The following EPB41L1 variants were observed in gnomAD, a reference collection of about 807,000 sequenced individuals.
EPB41L1 encodes band 4.1-like protein 1.
A neutral mutation model predicts 97.8 loss-of-function variants in EPB41L1; 29 were observed. The observed-to-expected ratio is 0.30, with a 90% CI of 0.22 to 0.40. The LOEUF is 0.40. EPB41L1 is among the 10% of genes least tolerant of loss of function. The probability of loss-of-function intolerance (pLI) is 1.00; values close to 1 mark genes in which losing one functional copy is unlikely to be tolerated. For missense variants in EPB41L1, 812 were observed against 1,162.3 expected (o/e 0.70, Z 4.38); for synonymous variants, 383 against 459.2 (o/e 0.83, Z 2.12).
chr20:36,229,404 CT>C lies in EPB41L1; in HGVS notation c.*66del. On this transcript the variant is annotated 3_prime_UTR_variant, in exon 22 of 22. Transcript: ENST00000338074. ...AGCCAGAGAACCATTAAGAAGGGGC[CT>C]TCATTCTGGATTCTCCGACGCAACA... The C allele has an allele frequency of 6.4e-7, 1 of 1,563,206 alleles. No homozygotes were observed. The highest frequency in any genetic ancestry group is 8.8e-7 in the Non-Finnish European group (1 of 1,134,212).
intron 14 of EPB41L1, chr20:36,200,792 T>A: frequency 4.6e-6 from 2 of 431,600 alleles, no homozygotes; most frequent in South Asian, 3.3e-5. Flanking sequence ...CTACTTTTTC[T>A]CTTTCCCTCT....
At chr20:36,132,129 G>A (rs1380624158) in intron 2 of EPB41L1, among the ~76,000 whole-genome samples, 3 of 152,186 alleles carry the variant, frequency 2.0e-5, no homozygotes, top group African/African-American at 7.2e-5. Flanking sequence ...CTAGGTGACT[G>A]TGTCAGTTTC....
chr20:36,156,491 C>G (rs141429901), intron 1 of EPB41L1, among the ~76,000 whole-genome samples: 37 of 152,308 alleles, frequency 2.4e-4, no homozygotes, highest in African/African-American at 7.9e-4. Flanking sequence ...TGGCCAAGGT[C>G]ACAAAGCAGC....
intron 6 of EPB41L1, 38 bp downstream of exon 6, chr20:36,182,385 T>C: frequency 1.2e-6 from 2 of 1,607,662 alleles, no homozygotes; most frequent in Non-Finnish European, 1.7e-6. Flanking sequence ...GTGCTGGCTG[T>C]GTGGGACTAT....
chr20:36,123,723 C>T (rs542578417), intron 2 of EPB41L1, among the ~76,000 whole-genome samples: 5 of 152,226 alleles, frequency 3.3e-5, no homozygotes, highest in East Asian at 3.9e-4. Context: ...TGAGCCACTG[C>T]GCTTGGGCAG....
chr20:36,132,361 C>T (rs1399902886), intron 2 of EPB41L1, among the ~76,000 whole-genome samples: 1 of 152,056 alleles, frequency 6.6e-6, no homozygotes, highest in Admixed American at 6.6e-5. Flanking sequence ...CCCACCTCTG[C>T]CTCCGTCATC....
At position 36,206,756 on chromosome 20, in the gene EPB41L1, G is replaced by A; in HGVS notation, c.1669-2732G>A. On this transcript the variant is annotated intron_variant, in intron 14 of 21. Coordinates refer to ENST00000338074, the MANE Select transcript of EPB41L1 (RefSeq NM_012156.2). The surrounding 1 kb of genome is among the most constrained non-coding windows in gnomAD (Gnocchi z 5.5). ...GCTGAAGGCTGGGAAGATGCCCAGTGGGGAGTGGAAGGAGAGTTTCCCCAC... is the reference window on the plus strand; with the variant it reads ...GCTGAAGGCTGGGAAGATGCCCAGTAGGGAGTGGAAGGAGAGTTTCCCCAC... 7.8e-7 allele frequency: 1 copy of A among 1,289,868 alleles called. No homozygotes were observed. The highest frequency in any genetic ancestry group is 1.2e-5 in the South Asian group (1 of 81,030). The allele number at this position is 1,289,868 out of a possible 1,614,324, so 79.9% of individuals were successfully genotyped here.
chr20:36,111,889 T>A (rs2058416967), intron 1 of EPB41L1, among the ~76,000 whole-genome samples: 1 of 151,930 alleles, frequency 6.6e-6, no homozygotes, highest in Non-Finnish European at 1.5e-5. Flanking sequence ...AAAGGCCAAG[T>A]GGACAGCAGG....
At chr20:36,165,035 G>A (rs945057090) in intron 1 of EPB41L1, among the ~76,000 whole-genome samples, 4 of 151,654 alleles carry the variant, frequency 2.6e-5, no homozygotes, top group African/African-American at 9.7e-5. Flanking sequence ...AGGCTGGAGT[G>A]CAGTGGTGCG....
In EPB41L1 at chr20:36,190,891, G is replaced by T. The variant is rs897924387; in HGVS notation, c.1300+94G>T. 5 of 1,510,262 alleles carry T rather than the reference G, an allele frequency of 3.3e-6. No homozygotes were observed. In the African/African-American group the frequency reaches 6.9e-5, roughly 21 times the overall value. The allele number at this position is 1,510,262 out of a possible 1,614,324, so 93.6% of individuals were successfully genotyped here. ...GGTTCTGCAGAATGAGCAGGAAAATGGTAGATGCATCCCAAGTTCATCTGC... is the reference window on the plus strand; with the variant it reads ...GGTTCTGCAGAATGAGCAGGAAAATTGTAGATGCATCCCAAGTTCATCTGC... On this transcript the variant is annotated intron_variant, in intron 11 of 21. Coordinates refer to ENST00000338074, the MANE Select transcript of EPB41L1 (RefSeq NM_012156.2). The surrounding 1 kb of genome is among the most constrained non-coding windows in gnomAD (Gnocchi z 5.8).
chr20:36,121,419 C>T (rs888390681), intron 2 of EPB41L1, among the ~76,000 whole-genome samples: 2 of 152,086 alleles, frequency 1.3e-5, no homozygotes, highest in Non-Finnish European at 2.9e-5. Context: ...GTGCTGGGAG[C>T]CCATGTGCTG....
rs919735222 is a variant in EPB41L1 at position 36,207,101 on chromosome 20, G to A, written c.1669-2387G>A. On this transcript the variant is annotated intron_variant, in intron 14 of 21. Transcript: ENST00000338074. The surrounding 1 kb of genome is among the most constrained non-coding windows in gnomAD (Gnocchi z 4.9). ...ATCATTCCCCTGCCAGCCTCCCCTG[G>A]TCATTCTGAGGACCTGGCAGCTCTG... 1.2e-5 allele frequency: 16 copies of A among 1,289,318 alleles called. No homozygotes were observed. Among genetic ancestry groups the A allele is most frequent in the Non-Finnish European group, 1.3e-5 (13 of 988,574 alleles). 79.9% of individuals were successfully genotyped at this position (1,289,318 alleles called of 1,614,324 possible).
chr20:36,101,917 A>T (rs1006617330), intron 1 of EPB41L1, among the ~76,000 whole-genome samples: 4 of 152,018 alleles, frequency 2.6e-5, no homozygotes, highest in Non-Finnish European at 4.4e-5. Flanking sequence ...AGGCAGGAGA[A>T]TCGCTTGAAC....
intron 1 of EPB41L1, among the ~76,000 whole-genome samples, chr20:36,172,616 T>G (rs117298904): frequency 0.026 from 4,028 of 152,280 alleles, 76 homozygotes; most frequent in Non-Finnish European, 0.039. Context: ...TCTTTTTCTT[T>G]TGGAGAAGGA....
chr20:36,209,688 G>A lies in EPB41L1; in HGVS notation c.1869G>A (p.Thr623=), dbSNP rs73905303. The A allele has an allele frequency of 3.0e-3, 4,894 of 1,614,102 alleles. 136 individuals are homozygous for A. In the African/African-American group the frequency reaches 0.057, roughly 19 times the overall value. The change falls in exon 15 of 22, where the codon ACG becomes ACA. Residue 623 remains threonine (T), a synonymous_variant. Coordinates refer to ENST00000338074, the MANE Select transcript of EPB41L1 (RefSeq NM_012156.2). This position sits in a 1 kb window ranked among gnomAD's most constrained non-coding sequence, Gnocchi z 4.2. The stretch of plus-strand genomic sequence containing the variant: ...GCCTGGAGGCTGAGGTGGACTTCAC[G>A]GTCATTGGTGACTACCATGGCAGCG... ...TSSLEAEVDF[T]VIGDYHGSAF...
chr20:36,207,382 A>G lies in EPB41L1; in HGVS notation c.1669-2106A>G. On this transcript the variant is annotated intron_variant, in intron 14 of 21. Coordinates refer to ENST00000338074, the MANE Select transcript of EPB41L1 (RefSeq NM_012156.2). The surrounding 1 kb of genome is among the most constrained non-coding windows in gnomAD (Gnocchi z 4.9). ...GTTCCCTTCAGGGAAGCGAAGGGAG[A>G]TGACCTCTTTCCAGGCTGGGGACCA... The G allele has an allele frequency of 7.8e-7, 1 of 1,289,522 alleles. No homozygotes were observed. Among genetic ancestry groups the G allele is most frequent in the Non-Finnish European group, 1.0e-6 (1 of 988,654 alleles). The allele number at this position is 1,289,522 out of a possible 1,614,324, so 79.9% of individuals were successfully genotyped here.
rs757708154 is a variant in EPB41L1 at position 36,197,979 on chromosome 20, C to A, written c.1606C>A (p.Arg536Ser). Residue 536 changes from arginine to serine, a missense_variant, in exon 14 of 22, where the codon CGC (arginine) becomes AGC (serine). Coordinates refer to ENST00000338074, the MANE Select transcript of EPB41L1 (RefSeq NM_012156.2). ...IHRDRDWERERRLPSSPASPS... is the reference protein window; with the variant it reads ...IHRDRDWERESRLPSSPASPS... ...CCGGGATCGAGACTGGGAACGGGAG[C>A]GCAGGCTGCCCTCCTCCCCCGCCTC... 6.2e-7 allele frequency: 1 copy of A among 1,614,034 alleles called. No homozygotes were observed. Among genetic ancestry groups the A allele is most frequent in the Non-Finnish European group, 8.5e-7 (1 of 1,180,016 alleles).
At chr20:36,219,896 G>A in intron 19 of EPB41L1, 52 bp downstream of exon 19, 1 of 1,489,518 alleles carries the variant, frequency 6.7e-7, no homozygotes. Flanking sequence ...AGGCGAGAAG[G>A]TCATGACTGT....
intron 5 of EPB41L1, 112 bp from the exon 6 acceptor site, chr20:36,182,160 G>T: frequency 1.1e-6 from 1 of 912,960 alleles, no homozygotes; most frequent in Non-Finnish European, 1.8e-6. Flanking sequence ...TGATTGGATT[G>T]TCCTGAGATT....
Sources: allele counts gnomAD v4.1 joint callset (sites outside exome capture counted in the v4.1 genomes callset), GRCh38; gene constraint gnomAD v4.1.1; non-coding constraint Gnocchi (gnomAD v3.1); transcripts MANE v1.5; gene names NCBI Gene and HGNC (gene_info 2026-07-23, HGNC 2026-07-21).